The following RHOBTB3 variants were observed in gnomAD, a reference collection of about 807,000 sequenced individuals.
The protein encoded by RHOBTB3 is Rho related BTB domain containing 3, also known as rho-related BTB domain-containing protein 3.
RHOBTB3 carries 47 observed loss-of-function variants against 67.2 expected under a neutral mutation model. The observed-to-expected ratio is 0.70, with a 90% CI of 0.55 to 0.89. The LOEUF (loss-of-function observed/expected upper bound fraction) is 0.89, where lower values mean the gene tolerates loss of function less well. Among genes scored for constraint, RHOBTB3 ranks in the 40% least tolerant of loss-of-function variants. The pLI is 0.00. For missense variants in RHOBTB3, 631 were observed against 750.0 expected, an observed-to-expected ratio of 0.84 and a Z score of 1.85; for synonymous variants, 273 against 274.2, an observed-to-expected ratio of 1.00 and a Z score of 0.04.
intron 2 of RHOBTB3, among the ~76,000 whole-genome samples, chr5:95,735,259 CTTTT>C (rs10718378): frequency 7.5e-6 from 1 of 133,686 alleles, no homozygotes. Flanking sequence ...CATATTTTGC[CTTTT>C]TTTTTTTTTT....
At chr5:95,730,996 C>T (rs114988608), upstream of RHOBTB3, 9,969 of 619,376 alleles carry the variant, frequency 0.016, 96 homozygotes, top group Middle Eastern at 0.032. Flanking sequence ...TTTTTCCAGT[C>T]CGGAGTGAGC....
At chr5:95,748,271 C>T (rs1744979879) in intron 3 of RHOBTB3, 62 bp from the exon 4 acceptor site, 1 of 1,283,832 alleles carries the variant, frequency 7.8e-7, no homozygotes, top group Non-Finnish European at 1.1e-6. Context: ...TTCAGATTGT[C>T]TGTGTACCTT....
intron 3 of RHOBTB3, among the ~76,000 whole-genome samples, chr5:95,746,478 G>T (rs1021068804): frequency 2.0e-5 from 3 of 152,084 alleles, no homozygotes; most frequent in Admixed American, 6.6e-5. Flanking sequence ...TATTTTTCAA[G>T]ATAGGCTAAA....
chr5:95,774,929 C>T (rs72783481), intron 8 of RHOBTB3, among the ~76,000 whole-genome samples: 6,875 of 152,094 alleles, frequency 0.045, 193 homozygotes, highest in South Asian at 0.1. Flanking sequence ...ACTCTGGCAG[C>T]AACTCTGCTA....
intron 10 of RHOBTB3, among the ~76,000 whole-genome samples, 183 bp from the exon 11 acceptor site, chr5:95,788,579 G>A (rs1055531608): frequency 1.3e-5 from 2 of 152,136 alleles, no homozygotes; most frequent in Non-Finnish European, 2.9e-5. Context: ...TACTTTTAAC[G>A]TTATTTGCTA....
At chr5:95,758,871 T>C (rs985461126) in intron 6 of RHOBTB3, among the ~76,000 whole-genome samples, 2 of 152,188 alleles carry the variant, frequency 1.3e-5, no homozygotes, top group Non-Finnish European at 2.9e-5. Context: ...TACCTGCTTT[T>C]GGAAGAACTG....
In RHOBTB3 at chr5:95,731,588, A is replaced by C; in HGVS notation, c.-95A>C. The C allele has an allele frequency of 6.4e-7, 1 of 1,572,658 alleles. No individual in the cohort carries two copies. Among genetic ancestry groups the C allele is most frequent in the Non-Finnish European group, 8.6e-7 (1 of 1,160,056 alleles). On this transcript the variant is annotated 5_prime_UTR_variant, in exon 1 of 12. Transcript: ENST00000379982. Reference sequence around the variant, plus strand: ...CGCGAGGGGGACGCGGCCGGGGATGAGCGGATTGCGGGTGAACTCGCCGCC... The same window carrying C: ...CGCGAGGGGGACGCGGCCGGGGATGCGCGGATTGCGGGTGAACTCGCCGCC...
chr5:95,753,847 T>G (rs139154923), intron 5 of RHOBTB3, among the ~76,000 whole-genome samples: 34 of 152,308 alleles, frequency 2.2e-4, no homozygotes, highest in African/African-American at 7.7e-4. Flanking sequence ...TGGTGGCTCA[T>G]GCCTATAATT....
At position 95,794,083 on chromosome 5, in the gene RHOBTB3, T is replaced by C; in HGVS notation, c.*909T>C. Reference sequence around the variant, plus strand: ...CGGAGGGAAGAGAACATAGTGAAGATTCCCGCCTTTGGGGAGGTCTGGACC... The same window carrying C: ...CGGAGGGAAGAGAACATAGTGAAGACTCCCGCCTTTGGGGAGGTCTGGACC... On this transcript the variant is annotated 3_prime_UTR_variant, in exon 12 of 12. Coordinates refer to ENST00000379982, the MANE Select transcript of RHOBTB3 (RefSeq NM_014899.4). 2.2e-6 allele frequency: 1 copy of C among 455,716 alleles called. No individual in the cohort carries two copies. The highest frequency in any genetic ancestry group is 4.4e-6 in the Non-Finnish European group (1 of 226,732). 28.2% of individuals were successfully genotyped at this position (455,716 alleles called of 1,614,324 possible).
At chr5:95,767,675 G>T in intron 7 of RHOBTB3, 1 of 595,608 alleles carries the variant, frequency 1.7e-6, no homozygotes, top group South Asian at 2.1e-5. Context: ...CTGTCTTAAT[G>T]AACAAATTAG....
intron 5 of RHOBTB3, among the ~76,000 whole-genome samples, chr5:95,753,711 A>T (rs1357484992): frequency 1.3e-5 from 2 of 152,250 alleles, no homozygotes; most frequent in Non-Finnish European, 2.9e-5. Flanking sequence ...GGAAATGACC[A>T]CATAAATAAT....
In RHOBTB3 at chr5:95,732,064, G is replaced by A; in HGVS notation, c.208G>A (p.Val70Ile). Residue 70 changes from valine (V) to isoleucine (I), a missense_variant, in exon 2 of 12, where the codon GTC (valine) becomes ATC (isoleucine). Coordinates refer to ENST00000379982, the MANE Select transcript of RHOBTB3 (RefSeq NM_014899.4). ...TGCGTTTGGGAATGTCAAGCTGGTGGTCCACGACTGTCCCGTCTGGGTAAG... is the reference window on the plus strand; with the variant it reads ...TGCGTTTGGGAATGTCAAGCTGGTGATCCACGACTGTCCCGTCTGGGTAAG... ...ASAFGNVKLV[V>I]HDCPVWDIFD... 6.2e-7 allele frequency: 1 copy of A among 1,614,190 alleles called. No individual in the cohort carries two copies. Among genetic ancestry groups the A allele is most frequent in the South Asian group, 1.1e-5 (1 of 91,080 alleles).
At chr5:95,757,223 G>A (rs937646885) in intron 6 of RHOBTB3, among the ~76,000 whole-genome samples, 7 of 152,076 alleles carry the variant, frequency 4.6e-5, no homozygotes, top group Admixed American at 4.6e-4. Flanking sequence ...TTCTATCTGA[G>A]TCATTTTAGC....
chr5:95,732,285 T>C (rs989292614), intron 2 of RHOBTB3: 2 of 618,742 alleles, frequency 3.2e-6, no homozygotes, highest in East Asian at 2.7e-5. Context: ...CTTAGGAAGA[T>C]AGAAGGCCCC....
intron 8 of RHOBTB3, among the ~76,000 whole-genome samples, chr5:95,779,478 A>G (rs1287695525): frequency 6.6e-6 from 1 of 152,232 alleles, no homozygotes; most frequent in Non-Finnish European, 1.5e-5. Context: ...GGCCCTATCC[A>G]GCGCTGCCTT....
At chr5:95,774,447 T>C (rs1745809628) in intron 8 of RHOBTB3, among the ~76,000 whole-genome samples, 1 of 152,204 alleles carries the variant, frequency 6.6e-6, no homozygotes. Context: ...TTGTTAACAT[T>C]TTTAATGTCA....
intron 3 of RHOBTB3, among the ~76,000 whole-genome samples, chr5:95,737,725 A>G (rs1471062678): frequency 6.6e-6 from 1 of 152,232 alleles, no homozygotes; most frequent in Non-Finnish European, 1.5e-5. Flanking sequence ...AAACTTTTAA[A>G]TTGAGGTATT....
At chr5:95,722,204 C>A (rs939031134) in intron 1 of RHOBTB3, among the ~76,000 whole-genome samples, 8 of 151,996 alleles carry the variant, frequency 5.3e-5, no homozygotes, top group African/African-American at 1.7e-4. Context: ...ACACAGCAAG[C>A]AAAGGGAGTG....
intron 5 of RHOBTB3, among the ~76,000 whole-genome samples, chr5:95,753,729 G>A (rs1222227758): frequency 2.0e-5 from 3 of 152,170 alleles, no homozygotes; most frequent in Admixed American, 6.6e-5. Flanking sequence ...AATGTAGATA[G>A]TTAGTTCTTA....
Sources: allele counts gnomAD v4.1 joint callset (sites outside exome capture counted in the v4.1 genomes callset), GRCh38; gene constraint gnomAD v4.1.1; transcripts MANE v1.5; gene names NCBI Gene and HGNC (gene_info 2026-07-23, HGNC 2026-07-21).